TRPM3: variants seen among roughly 807,000 people sequenced by gnomAD.
TRPM3 encodes the protein long transient receptor potential channel 3.
Under a neutral mutation model 181.2 loss-of-function variants are expected in TRPM3, and 77 were observed. The observed-to-expected ratio is 0.42, with a 90% CI of 0.35 to 0.51. The LOEUF is 0.51. Among genes scored for constraint, TRPM3 ranks in the 20% least tolerant of loss-of-function variants. The pLI is 0.01. For missense variants in TRPM3, 1,759 were observed against 2,196.7 expected, an observed-to-expected ratio of 0.80 and a Z score of 3.98; for synonymous variants, 745 against 796.4, an observed-to-expected ratio of 0.94 and a Z score of 1.09.
At chr9:70,876,430 C>G (rs140923878) in intron 1 of TRPM3, among the ~76,000 whole-genome samples, 1 of 150,826 alleles carries the variant, frequency 6.6e-6, no homozygotes, top group Non-Finnish European at 1.5e-5. Context: ...TATATGTACC[C>G]CAAGTCACTA....
chr9:71,131,871 AT>A (rs1362462406), intron 1 of TRPM3, among the ~76,000 whole-genome samples: 2 of 152,248 alleles, frequency 1.3e-5, no homozygotes, highest in African/African-American at 4.8e-5. Context: ...CAATCTGAAA[AT>A]AACTCAAGCT....
At chr9:71,291,254 C>A (rs2085785555) in intron 1 of TRPM3, among the ~76,000 whole-genome samples, 1 of 152,118 alleles carries the variant, frequency 6.6e-6, no homozygotes, top group Admixed American at 6.6e-5. Flanking sequence ...AGATTCACAA[C>A]AATCAGTCAG....
intron 7 of TRPM3, among the ~76,000 whole-genome samples, chr9:70,783,553 G>A (rs1360454280): frequency 6.6e-6 from 1 of 152,140 alleles, no homozygotes; most frequent in Non-Finnish European, 1.5e-5. Context: ...AAGGGCATGA[G>A]GGGTTCAACA....
At chr9:70,876,202 C>T (rs1238006747) in intron 1 of TRPM3, among the ~76,000 whole-genome samples, 1 of 151,340 alleles carries the variant, frequency 6.6e-6, no homozygotes, top group Non-Finnish European at 1.5e-5. Context: ...TTATTCTTAC[C>T]TCAGTGTGTT....
chr9:71,277,259 C>T (rs1588246565), intron 1 of TRPM3, among the ~76,000 whole-genome samples: 1 of 152,188 alleles, frequency 6.6e-6, no homozygotes, highest in East Asian at 1.9e-4. Context: ...TCTATGGCCA[C>T]ACCACCCTCA....
intron 1 of TRPM3, among the ~76,000 whole-genome samples, chr9:71,415,791 TCTAGATTTA>T (rs2093628274): frequency 6.6e-6 from 1 of 151,826 alleles, no homozygotes; most frequent in African/African-American, 2.4e-5. Flanking sequence ...TAAAAGTTTC[TCTAGATTTA>T]TCTCTAGATT....
intron 1 of TRPM3, among the ~76,000 whole-genome samples, chr9:71,106,658 T>C (rs1348079524): frequency 6.6e-6 from 1 of 152,172 alleles, no homozygotes; most frequent in Non-Finnish European, 1.5e-5. Flanking sequence ...GGACTAACAC[T>C]GCTCACTATT....
At chr9:71,437,576 A>T (rs2094061077) in intron 1 of TRPM3, among the ~76,000 whole-genome samples, 1 of 152,110 alleles carries the variant, frequency 6.6e-6, no homozygotes, top group Non-Finnish European at 1.5e-5. Context: ...TAGCCTGCAA[A>T]ACCTAAAACA....
chr9:71,395,954 T>C (rs2093180496), intron 1 of TRPM3, among the ~76,000 whole-genome samples: 1 of 151,966 alleles, frequency 6.6e-6, no homozygotes, highest in Non-Finnish European at 1.5e-5. Context: ...AAAAATCCAG[T>C]GAAGGAAATG....
chr9:71,067,547 T>C (rs895340918), intron 1 of TRPM3, among the ~76,000 whole-genome samples: 2 of 152,228 alleles, frequency 1.3e-5, no homozygotes, highest in Non-Finnish European at 2.9e-5. Context: ...GTTTATACTT[T>C]ATTTTCTTCA....
intron 1 of TRPM3, among the ~76,000 whole-genome samples, chr9:71,342,083 A>G (rs552407792): frequency 6.6e-6 from 1 of 151,670 alleles, no homozygotes; most frequent in South Asian, 2.1e-4. Context: ...ACACAGAAAC[A>G]CTATTTCTCA....
In TRPM3 at chr9:71,446,700, TG is replaced by T; in HGVS notation, c.135del (p.Lys46SerfsTer22). 6.4e-7 allele frequency: 1 copy of T among 1,550,582 alleles called. No homozygotes were observed. Among genetic ancestry groups the T allele is most frequent in the Non-Finnish European group, 8.7e-7 (1 of 1,146,968 alleles). On this transcript the variant is annotated frameshift_variant, in exon 1 of 25. Coordinates refer to the TRPM3 transcript ENST00000357533. LOFTEE classifies it high-confidence loss of function. Reference sequence around the variant, plus strand: ...CCCGAGCGTTTGGTGGACCCCTGCTTGGAACTTAACCTTTTCCACGACTCGG... The same window carrying T: ...CCCGAGCGTTTGGTGGACCCCTGCTTGAACTTAACCTTTTCCACGACTCGG...
In TRPM3 at chr9:70,862,897, T is replaced by G; in HGVS notation, c.462+11A>C. 6.2e-7 allele frequency: 1 copy of G among 1,612,992 alleles called. No individual in the cohort carries two copies. The highest frequency in any genetic ancestry group is 1.3e-5 in the African/African-American group (1 of 74,954). ...TAGCATTTGGGAGCAACTGAATGGC[T>G]TTCTGATTACCATGGCTTTGTTGGA... is the stretch of plus-strand genomic sequence containing the variant. On this transcript the variant is annotated intron_variant, in intron 3 of 25. Coordinates refer to ENST00000677713, the MANE Select transcript of TRPM3 (RefSeq NM_001366145.2).
At chr9:71,302,418 C>A (rs1052447971) in intron 1 of TRPM3, among the ~76,000 whole-genome samples, 5 of 152,066 alleles carry the variant, frequency 3.3e-5, no homozygotes, top group Admixed American at 6.6e-5. Flanking sequence ...CAATACTGAA[C>A]AAAACAAATA....
At chr9:70,622,532 G>A (rs1043721210) in intron 14 of TRPM3, among the ~76,000 whole-genome samples, 1 of 151,220 alleles carries the variant, frequency 6.6e-6, no homozygotes, top group African/African-American at 2.5e-5. Context: ...GGTGGCAAAG[G>A]TGCTTAATAG....
At chr9:70,831,365 T>C (rs2093884644) in intron 5 of TRPM3, among the ~76,000 whole-genome samples, 1 of 151,282 alleles carries the variant, frequency 6.6e-6, no homozygotes, top group South Asian at 2.1e-4. Context: ...GCCATTTTCA[T>C]TGTTAAGAGA....
chr9:71,155,183 G>C (rs2075924752), intron 1 of TRPM3, among the ~76,000 whole-genome samples: 1 of 152,128 alleles, frequency 6.6e-6, no homozygotes, highest in Non-Finnish European at 1.5e-5. Context: ...TAGACTTTGT[G>C]TCTACCGTTG....
At chr9:71,375,509 C>T (rs1242478294) in intron 1 of TRPM3, among the ~76,000 whole-genome samples, 3 of 152,040 alleles carry the variant, frequency 2.0e-5, no homozygotes, top group Non-Finnish European at 2.9e-5. Context: ...GCAACAGAAG[C>T]GAAAATTGAC....
chr9:70,857,391 C>T (rs1265468423), intron 3 of TRPM3, among the ~76,000 whole-genome samples: 1 of 152,054 alleles, frequency 6.6e-6, no homozygotes, highest in Non-Finnish European at 1.5e-5. Flanking sequence ...CTACAAAGTA[C>T]TCGAAAAGGC....
Sources: gnomAD v4.1 joint callset for allele counts (sites outside exome capture counted in the v4.1 genomes callset) on GRCh38, gnomAD v4.1.1 for gene constraint, MANE v1.5 for transcripts, NCBI Gene and HGNC (gene_info 2026-07-23, HGNC 2026-07-21) for gene names.